GRID1: variants seen among roughly 807,000 people sequenced by gnomAD.
GRID1 encodes glutamate receptor ionotropic, delta-1.
A neutral mutation model predicts 98.0 loss-of-function variants in GRID1; 28 were observed. The ratio of observed to expected loss-of-function variants is 0.29; its 90% CI spans 0.21 to 0.39. GRID1 has a LOEUF of 0.39. GRID1 is among the 10% of genes least tolerant of loss of function. The probability of loss-of-function intolerance (pLI) is 1.00; values close to 1 mark genes in which losing one functional copy is unlikely to be tolerated. For missense variants in GRID1, 1,111 were observed against 1,340.5 expected, an observed-to-expected ratio of 0.83 and a Z score of 2.67; for synonymous variants, 553 against 538.5, an observed-to-expected ratio of 1.03 and a Z score of -0.37.
intron 13 of GRID1, among the ~76,000 whole-genome samples, chr10:85,627,172 C>A (rs1034345139): frequency 1.3e-5 from 2 of 152,082 alleles, no homozygotes; most frequent in Non-Finnish European, 2.9e-5. Context: ...AAAGAGGCAC[C>A]CCTGAGCTAT....
chr10:85,853,474 A>G (rs897221012), intron 8 of GRID1, among the ~76,000 whole-genome samples: 1 of 152,178 alleles, frequency 6.6e-6, no homozygotes, highest in African/African-American at 2.4e-5. Flanking sequence ...CATGTCTGTG[A>G]ATACATGAGG....
intron 12 of GRID1, among the ~76,000 whole-genome samples, chr10:85,678,544 C>T (rs1306875658): frequency 6.6e-6 from 1 of 152,016 alleles, no homozygotes; most frequent in Non-Finnish European, 1.5e-5. Context: ...GGGAGAGGTC[C>T]CATCCCCTCA....
intron 13 of GRID1, among the ~76,000 whole-genome samples, chr10:85,621,074 C>T (rs1401432292): frequency 6.6e-6 from 1 of 152,184 alleles, no homozygotes. Flanking sequence ...AGTTTGGGCA[C>T]TCGGAGGGAA....
chr10:85,860,054 C>T (rs1056022706), intron 6 of GRID1, among the ~76,000 whole-genome samples: 4 of 152,148 alleles, frequency 2.6e-5, no homozygotes, highest in Non-Finnish European at 5.9e-5. Flanking sequence ...GAGAGGCTCC[C>T]AGATGCATGG....
chr10:86,054,843 G>A (rs1422581058), intron 4 of GRID1, among the ~76,000 whole-genome samples: 2 of 152,126 alleles, frequency 1.3e-5, no homozygotes, highest in Non-Finnish European at 2.9e-5. Flanking sequence ...CTCCCATTAG[G>A]GGGTGGGGTC....
intron 4 of GRID1, among the ~76,000 whole-genome samples, chr10:85,977,865 C>T (rs1389655075): frequency 6.6e-6 from 1 of 152,134 alleles, no homozygotes; most frequent in African/African-American, 2.4e-5. Flanking sequence ...ACTAATCATG[C>T]CCTGATGGAA....
chr10:86,269,396 GC>G (rs1847151689), intron 2 of GRID1, among the ~76,000 whole-genome samples: 2 of 152,160 alleles, frequency 1.3e-5, no homozygotes, highest in South Asian at 4.1e-4. Flanking sequence ...CTGCTGTGTG[GC>G]CTCACTGAGG....
At chr10:85,743,105 G>GCC (rs4031782) in intron 8 of GRID1, among the ~76,000 whole-genome samples, 3,383 of 82,572 alleles carry the variant, frequency 0.041, 229 homozygotes, top group East Asian at 0.086. Flanking sequence ...GAATTATGCA[G>GCC]CCCCCCCCCC....
At chr10:86,214,454 C>T (rs1846148232) in intron 2 of GRID1, among the ~76,000 whole-genome samples, 1 of 152,076 alleles carries the variant, frequency 6.6e-6, no homozygotes, top group South Asian at 2.1e-4. Flanking sequence ...GCCTTCCTGG[C>T]ACTAACAAAC....
chr10:86,353,182 G>A (rs1863824), intron 2 of GRID1, among the ~76,000 whole-genome samples: 102,801 of 152,142 alleles, frequency 0.68, 35,447 homozygotes, highest in African/African-American at 0.81. Context: ...TCCAGAAGAC[G>A]TCACCGACAA....
intron 2 of GRID1, among the ~76,000 whole-genome samples, chr10:86,328,612 T>C (rs1368845644): frequency 6.6e-6 from 1 of 152,216 alleles, no homozygotes; most frequent in African/African-American, 2.4e-5. Context: ...GCTTTTACAA[T>C]CAGAAAAATT....
At chr10:86,363,213 G>T (rs867521430) in intron 2 of GRID1, among the ~76,000 whole-genome samples, 1 of 152,366 alleles carries the variant, frequency 6.6e-6, no homozygotes, top group Non-Finnish European at 1.5e-5. Context: ...CGCGGGGCCC[G>T]ACCGGAGGCA....
intron 2 of GRID1, among the ~76,000 whole-genome samples, chr10:86,253,817 T>A (rs1018449617): frequency 1.3e-5 from 2 of 152,056 alleles, no homozygotes; most frequent in Admixed American, 6.5e-5. Context: ...TCACGATCCA[T>A]GACACAGCAA....
At position 86,109,708 on chromosome 10, in the gene GRID1, T is replaced by C. The variant is rs193252252; in HGVS notation, c.726+29111A>G. ...TGGCCTCCTCCCTAGGGATCTCACTTAGTTGGTCTAGATGGGATCTGGGCC... is the reference window on the plus strand; with the variant it reads ...TGGCCTCCTCCCTAGGGATCTCACTCAGTTGGTCTAGATGGGATCTGGGCC... On this transcript the variant is annotated intron_variant, in intron 4 of 15. Coordinates refer to ENST00000327946, the MANE Select transcript of GRID1 (RefSeq NM_017551.3). Among the ~76,000 whole-genome samples the C allele has an allele frequency of 2.3e-3, 345 of 152,226 alleles. 3 individuals carry two copies. Among genetic ancestry groups the C allele is most frequent in the Admixed American group, 0.015 (236 of 15,290 alleles).
intron 3 of GRID1, among the ~76,000 whole-genome samples, chr10:86,143,243 C>T (rs1384626000): frequency 6.6e-6 from 1 of 152,184 alleles, no homozygotes; most frequent in African/African-American, 2.4e-5. Flanking sequence ...TGGGGTGGGG[C>T]TGGAGGCAGA....
intron 5 of GRID1, among the ~76,000 whole-genome samples, chr10:85,896,965 TAGA>T (rs542851322): frequency 1.6e-3 from 238 of 152,288 alleles, no homozygotes; most frequent in Non-Finnish European, 2.8e-3. Context: ...GACAGAATAC[TAGA>T]AGGTCATTAA....
chr10:86,111,542 C>T (rs1411816339), intron 4 of GRID1, among the ~76,000 whole-genome samples: 1 of 152,214 alleles, frequency 6.6e-6, no homozygotes, highest in Non-Finnish European at 1.5e-5. Context: ...GACACCTGTT[C>T]CCTGATATAT....
At chr10:85,621,907 G>A (rs1842863292) in intron 13 of GRID1, among the ~76,000 whole-genome samples, 1 of 152,120 alleles carries the variant, frequency 6.6e-6, no homozygotes, top group Non-Finnish European at 1.5e-5. Flanking sequence ...TCAGACTTTG[G>A]AGCATTTCAC....
At chr10:85,764,706 C>T (rs1347907763) in intron 8 of GRID1, among the ~76,000 whole-genome samples, 1 of 152,154 alleles carries the variant, frequency 6.6e-6, no homozygotes, top group Non-Finnish European at 1.5e-5. Flanking sequence ...TAAGTTAGTA[C>T]CTTCATGTCA....
Sources: allele counts gnomAD v4.1 joint callset (sites outside exome capture counted in the v4.1 genomes callset), GRCh38; gene constraint gnomAD v4.1.1; transcripts MANE v1.5; gene names NCBI Gene and HGNC (gene_info 2026-07-23, HGNC 2026-07-21).